The following NRXN1 variants were observed in gnomAD, a reference collection of about 807,000 sequenced individuals.
NRXN1 encodes the protein neurexin-1.
NRXN1 carries 39 observed loss-of-function variants against 150.9 expected under a neutral mutation model. That is an observed-to-expected ratio of 0.26 (90% CI 0.20 to 0.34). The LOEUF (loss-of-function observed/expected upper bound fraction) is 0.34, where lower values mean the gene tolerates loss of function less well. Ranked by LOEUF, NRXN1 falls within the 10% of genes least tolerant of loss-of-function variation. The pLI is 1.00. For missense variants in NRXN1, 1,815 were observed against 1,949.9 expected (o/e 0.93, Z 1.30); for synonymous variants, 924 against 757.0 (o/e 1.22, Z -3.62).
At chr2:50,897,508 T>C (rs1215065997) in intron 5 of NRXN1, among the ~76,000 whole-genome samples, 3 of 152,200 alleles carry the variant, frequency 2.0e-5, no homozygotes, top group Non-Finnish European at 2.9e-5. Context: ...TTCCTTGATA[T>C]TAATAAGAAC....
At chr2:50,200,530 A>G (rs548441963) in intron 18 of NRXN1, among the ~76,000 whole-genome samples, 20 of 152,170 alleles carry the variant, frequency 1.3e-4, no homozygotes, top group Non-Finnish European at 2.4e-4. Flanking sequence ...AAGGCTGCAG[A>G]TAGCGACACA....
intron 8 of NRXN1, among the ~76,000 whole-genome samples, chr2:50,605,100 T>C (rs1353623531): frequency 6.6e-6 from 1 of 152,198 alleles, no homozygotes; most frequent in Admixed American, 6.5e-5. Flanking sequence ...ATAGAGATAA[T>C]TCAAAGGTGA....
intron 5 of NRXN1, among the ~76,000 whole-genome samples, chr2:50,642,926 A>AAAGAG (rs1684276988): frequency 6.6e-6 from 1 of 152,004 alleles, no homozygotes; most frequent in Non-Finnish European, 1.5e-5. Flanking sequence ...ATATTGGTTC[A>AAAGAG]CTCAAGGAAA....
chr2:50,935,509 C>T (rs1688402047), intron 2 of NRXN1, among the ~76,000 whole-genome samples: 1 of 152,034 alleles, frequency 6.6e-6, no homozygotes, highest in Non-Finnish European at 1.5e-5. Context: ...CCAAGGCAGG[C>T]AGATCACTTG....
intron 17 of NRXN1, among the ~76,000 whole-genome samples, chr2:50,379,437 C>T (rs558608883): frequency 2.0e-5 from 3 of 152,276 alleles, no homozygotes; most frequent in African/African-American, 4.8e-5. Context: ...CACAGTCGAA[C>T]ATTTTCTACC....
chr2:50,158,375 T>C (rs1228723095), intron 18 of NRXN1, among the ~76,000 whole-genome samples: 1 of 151,540 alleles, frequency 6.6e-6, no homozygotes, highest in Non-Finnish European at 1.5e-5. Flanking sequence ...CACTATTTGC[T>C]GACATTCATA....
intron 17 of NRXN1, among the ~76,000 whole-genome samples, chr2:50,316,817 G>T (rs944935380): frequency 2.6e-5 from 4 of 151,800 alleles, no homozygotes; most frequent in Non-Finnish European, 5.9e-5. Flanking sequence ...ATAAAATAGG[G>T]TAAAAAAATG....
intron 5 of NRXN1, chr2:50,656,222 CT>C (rs1235026152): frequency 1.1e-5 from 6 of 551,218 alleles, no homozygotes; most frequent in African/African-American, 1.9e-5. Context: ...GCAAAGTGAT[CT>C]TTTTTAAACT....
intron 5 of NRXN1, among the ~76,000 whole-genome samples, chr2:50,689,020 G>A (rs1226165875): frequency 2.0e-5 from 3 of 152,106 alleles, no homozygotes; most frequent in African/African-American, 7.2e-5. Flanking sequence ...ACTACTAATA[G>A]TAGGGTTTTC....
chr2:50,061,065 C>G (rs1282468127), intron 19 of NRXN1, among the ~76,000 whole-genome samples: 1 of 152,110 alleles, frequency 6.6e-6, no homozygotes, highest in African/African-American at 2.4e-5. Flanking sequence ...TCCTTTACCT[C>G]ATGATTTTCA....
intron 5 of NRXN1, among the ~76,000 whole-genome samples, chr2:50,813,031 A>G (rs1215661679): frequency 6.6e-6 from 1 of 152,048 alleles, no homozygotes; most frequent in Non-Finnish European, 1.5e-5. Context: ...CTGTACAATA[A>G]CATATTTTAA....
intron 21 of NRXN1, among the ~76,000 whole-genome samples, chr2:49,966,055 A>C (rs919757491): frequency 5.3e-5 from 8 of 152,188 alleles, no homozygotes; most frequent in Non-Finnish European, 7.4e-5. Context: ...GGTAATAAAT[A>C]TTTTCACTTA....
At chr2:50,105,149 T>C (rs1701463995) in intron 18 of NRXN1, 1 of 152,014 alleles carries the variant, frequency 6.6e-6, no homozygotes, top group Admixed American at 6.6e-5. Flanking sequence ...AGGGGCCAGA[T>C]GAGAGTATCC....
At chr2:50,297,360 C>T (rs2073708857) in intron 17 of NRXN1, among the ~76,000 whole-genome samples, 1 of 152,112 alleles carries the variant, frequency 6.6e-6, no homozygotes, top group African/African-American at 2.4e-5. Context: ...AAGTAGTGCT[C>T]ATCAGGTAAC....
At chr2:50,488,050 C>T (rs1055503323) in intron 15 of NRXN1, among the ~76,000 whole-genome samples, 2 of 152,208 alleles carry the variant, frequency 1.3e-5, no homozygotes, top group Non-Finnish European at 2.9e-5. Flanking sequence ...TGGGTATCAC[C>T]TAGCACCTAG....
At chr2:50,972,860 C>T (rs954546600) in intron 2 of NRXN1, among the ~76,000 whole-genome samples, 3 of 152,170 alleles carry the variant, frequency 2.0e-5, no homozygotes, top group African/African-American at 7.2e-5. Context: ...GGGTTGGGAA[C>T]CCCTGACTTA....
At chr2:51,012,873 CTTTGT>C (rs1025754353) in intron 2 of NRXN1, among the ~76,000 whole-genome samples, 2 of 151,874 alleles carry the variant, frequency 1.3e-5, no homozygotes, top group Admixed American at 6.6e-5. Flanking sequence ...TTTTTGTTTT[CTTTGT>C]TTTGTTTTTA....
At chr2:50,257,167 A>G (rs569903066) in intron 17 of NRXN1, among the ~76,000 whole-genome samples, 3 of 152,196 alleles carry the variant, frequency 2.0e-5, no homozygotes, top group East Asian at 3.9e-4. Context: ...TTATTTGTCC[A>G]TGGTCACAAA....
At chr2:50,868,579 A>G (rs1240825501) in intron 5 of NRXN1, among the ~76,000 whole-genome samples, 2 of 151,848 alleles carry the variant, frequency 1.3e-5, no homozygotes, top group Non-Finnish European at 2.9e-5. Context: ...TAACTTCAAA[A>G]GAATTACAGA....
Sources: allele counts gnomAD v4.1 joint callset (sites outside exome capture counted in the v4.1 genomes callset), GRCh38; gene constraint gnomAD v4.1.1; transcripts MANE v1.5; gene names NCBI Gene and HGNC (gene_info 2026-07-23, HGNC 2026-07-21).